Variants in DOK7 observed in about 807,000 individuals in gnomAD.
DOK7 encodes protein Dok-7.
A neutral mutation model predicts 30.7 loss-of-function variants in DOK7; 32 were observed. The ratio of observed to expected loss-of-function variants is 1.04; its 90% CI spans 0.79 to 1.40. The LOEUF (loss-of-function observed/expected upper bound fraction) is 1.40. DOK7 is among the 40% of genes most tolerant of loss of function. DOK7 has a pLI of 0.00. For missense variants in DOK7, 1,007 were observed against 699.2 expected (o/e 1.44, Z -4.97); for synonymous variants, 447 against 324.1 (o/e 1.38, Z -4.07).
At chr4:3,500,189 A>C in intron 6 of DOK7, 7 of 1,515,280 alleles carry the variant, frequency 4.6e-6, no homozygotes, top group Non-Finnish European at 5.3e-6. Flanking sequence ...TTTACTGCAC[A>C]ATCTTTGAGA....
intron 2 of DOK7, among the ~76,000 whole-genome samples, chr4:3,463,912 G>A (rs2109313350): frequency 6.6e-6 from 1 of 152,302 alleles, no homozygotes; most frequent in South Asian, 2.1e-4. Flanking sequence ...CAGGGCCCCC[G>A]AACCCAGCCT....
At chr4:3,497,419 C>A (rs140588736), downstream of DOK7, among the ~76,000 whole-genome samples, 442 of 152,028 alleles carry the variant, frequency 2.9e-3, 3 homozygotes, top group African/African-American at 9.2e-3. Context: ...GAGGGCCAGG[C>A]AGGGAGGCAG....
At chr4:3,497,659 AG>A (rs1159917156), downstream of DOK7, among the ~76,000 whole-genome samples, 3 of 149,904 alleles carry the variant, frequency 2.0e-5, no homozygotes, top group East Asian at 2.0e-4. Flanking sequence ...TGGCACCTAC[AG>A]GGGGGCGGGG....
chr4:3,477,351 G>A (rs1560213406), intron 4 of DOK7, among the ~76,000 whole-genome samples: 1 of 152,270 alleles, frequency 6.6e-6, no homozygotes, highest in Non-Finnish European at 1.5e-5. Context: ...GGGGCTGAGA[G>A]GACTGAGGGA....
intron 5 of DOK7, among the ~76,000 whole-genome samples, chr4:3,486,539 C>T (rs1727804837): frequency 6.6e-6 from 1 of 152,216 alleles, no homozygotes; most frequent in Admixed American, 6.5e-5. Flanking sequence ...CTTCTCCTGG[C>T]CACAGCCCCC....
intron 3 of DOK7, among the ~76,000 whole-genome samples, chr4:3,475,699 G>A (rs535760045): frequency 6.6e-6 from 1 of 152,148 alleles, no homozygotes; most frequent in Non-Finnish European, 1.5e-5. Flanking sequence ...CTCCACACCC[G>A]AACTGGAGGC....
rs1188967361 is a variant in DOK7, at chr4:3,490,596, TTTC to T, written c.772+805_772+807del. Among the ~76,000 whole-genome samples the T allele has an allele frequency of 9.8e-5, 3 of 30,640 alleles. 1 individual carries two copies. Among genetic ancestry groups the T allele is most frequent in the South Asian group, 1.1e-3 (1 of 876 alleles). 20.1% of individuals were successfully genotyped at this position (30,640 alleles called of 152,430 possible). On this transcript the variant is annotated intron_variant, in intron 6 of 6. Transcript: ENST00000340083. ...CCTTCTCTCTCTGCTCATTCCTTCA[TTTC>T]TTCTCTCCCTGCTCGTTCATTCCTT...
Position 3,492,945 on chromosome 4 carries a change from A to G in DOK7, c.959A>G (p.Lys320Arg). 1 of 1,556,390 alleles carries G rather than the reference A, an allele frequency of 6.4e-7. No individual in the cohort carries two copies. The highest frequency in any genetic ancestry group is 8.7e-7 in the Non-Finnish European group (1 of 1,153,584). The stretch of plus-strand genomic sequence containing the variant: ...GTGGGTGCCTCAAGGCCACCCCCCA[A>G]GCCGCTGCGTCCGCGGCAGCTGCAG... ...AMVGASRPPP[K>R]PLRPRQLQEV... The change falls in exon 7 of 7, where the codon AAG (lysine) becomes AGG (arginine). Residue 320 changes from lysine to arginine, a missense_variant. Transcript: ENST00000340083.
intron 4 of DOK7, among the ~76,000 whole-genome samples, chr4:3,477,653 A>G (rs1252412413): frequency 2.0e-5 from 3 of 152,184 alleles, no homozygotes; most frequent in Non-Finnish European, 4.4e-5. Context: ...GGCTCCACGG[A>G]CTGGGGGCGT....
chr4:3,495,680 G>C (rs1728867825), downstream of DOK7, among the ~76,000 whole-genome samples: 1 of 152,216 alleles, frequency 6.6e-6, no homozygotes, highest in Non-Finnish European at 1.5e-5. Context: ...AGATGGGACA[G>C]ACACTGGTTC....
chr4:3,464,254 G>A (rs1400554817), intron 2 of DOK7, among the ~76,000 whole-genome samples: 2 of 152,192 alleles, frequency 1.3e-5, no homozygotes, highest in Non-Finnish European at 1.5e-5. Flanking sequence ...TGTGCATGGG[G>A]GGCTGTACGC....
intron 2 of DOK7, among the ~76,000 whole-genome samples, chr4:3,467,182 C>T (rs1487378385): frequency 2.3e-5 from 3 of 133,278 alleles, no homozygotes; most frequent in African/African-American, 2.5e-5. Context: ...TCAGTGTGGG[C>T]GGGGACCCCC....
downstream of DOK7, chr4:3,496,746 T>C (rs1728932082): frequency 1.3e-6 from 2 of 1,495,366 alleles, no homozygotes; most frequent in Non-Finnish European, 1.8e-6. Context: ...AGTGTCCTTG[T>C]TCTCGGTGGC....
At chr4:3,484,405 C>A in intron 4 of DOK7, 1 of 771,048 alleles carries the variant, frequency 1.3e-6, no homozygotes, top group Non-Finnish European at 1.6e-6. Context: ...TTCCCTTCCC[C>A]CCAACTCCTG....
At chr4:3,487,202 G>T (rs1369586273) in intron 5 of DOK7, among the ~76,000 whole-genome samples, 1 of 143,410 alleles carries the variant, frequency 7.0e-6, no homozygotes, top group Admixed American at 7.2e-5. Flanking sequence ...CTCTGCAGGT[G>T]TGTGGGGGCC....
exon 8 of DOK7, chr4:3,501,040 C>A (rs977286718): frequency 4.1e-6 from 3 of 724,480 alleles, no homozygotes; most frequent in East Asian, 3.0e-5. Flanking sequence ...GCTGACCCTT[C>A]GGCCTGAAAG....
chr4:3,498,701 C>T (rs1295676298), downstream of DOK7, among the ~76,000 whole-genome samples: 1 of 152,208 alleles, frequency 6.6e-6, no homozygotes, highest in Non-Finnish European at 1.5e-5. Context: ...CCTGTCCCTG[C>T]TGGCCCAGGT....
At chr4:3,500,798 G>A in exon 8 of DOK7, 2 of 1,533,754 alleles carry the variant, frequency 1.3e-6, no homozygotes, top group Non-Finnish European at 1.7e-6. Context: ...TGTCGGAGCT[G>A]GAGCAGAGGA....
intron 6 of DOK7, 41 bp from the exon 7 acceptor site, chr4:3,492,718 C>T (rs1357871814): frequency 2.5e-6 from 4 of 1,588,438 alleles, no homozygotes; most frequent in East Asian, 2.3e-5. Flanking sequence ...GCCCAGACCC[C>T]TGTACCCCCA....
Sources: allele counts gnomAD v4.1 joint callset (sites outside exome capture counted in the v4.1 genomes callset), GRCh38; gene constraint gnomAD v4.1.1; transcripts MANE v1.5; gene names NCBI Gene and HGNC (gene_info 2026-07-23, HGNC 2026-07-21).